Variants in SPMIP7 observed in about 807,000 individuals in gnomAD.
The protein encoded by SPMIP7 is sperm microtubule inner protein 7, also known as protein SPMIP7.
chr7:50,129,842 T>G, the SPMIP7 span: 1 of 1,229,172 alleles, frequency 8.1e-7, no homozygotes, highest in Non-Finnish European at 1.2e-6. Flanking sequence ...TATTTCTTTT[T>G]CCTTTATGAC....
At chr7:50,124,821 G>T in the SPMIP7 span, among the ~76,000 whole-genome samples, 1 of 151,990 alleles carries the variant, frequency 6.6e-6, no homozygotes, top group South Asian at 2.1e-4. Context: ...ACTAGAGGCT[G>T]GGTGTGGTGG....
the SPMIP7 span, among the ~76,000 whole-genome samples, chr7:50,155,939 ACT>A: frequency 1.2e-5 from 1 of 83,690 alleles, no homozygotes; most frequent in Non-Finnish European, 2.6e-5. Flanking sequence ...GGTGCAGATA[ACT>A]CTCTAGAAAA....
At chr7:50,110,044 G>C in the SPMIP7 span, among the ~76,000 whole-genome samples, 1 of 151,910 alleles carries the variant, frequency 6.6e-6, no homozygotes, top group African/African-American at 2.4e-5. Flanking sequence ...AAAATTCTGG[G>C]AATTGAGGAT....
the SPMIP7 span, among the ~76,000 whole-genome samples, chr7:50,100,896 T>G: frequency 2.2e-4 from 33 of 151,992 alleles, no homozygotes; most frequent in Non-Finnish European, 3.5e-4. Flanking sequence ...ATTTCCTTTA[T>G]GATTTCTTAT....
chr7:50,113,010 C>G, the SPMIP7 span, among the ~76,000 whole-genome samples: 2 of 151,732 alleles, frequency 1.3e-5, no homozygotes, highest in East Asian at 3.9e-4. Flanking sequence ...TGGGCATAAG[C>G]TTTCCCTGAA....
chr7:50,136,989 A>G, the SPMIP7 span, among the ~76,000 whole-genome samples: 1 of 152,120 alleles, frequency 6.6e-6, no homozygotes, highest in Admixed American at 6.6e-5. Context: ...TTTTCTAAGC[A>G]TATCTATCTT....
At chr7:50,125,399 C>CAT in the SPMIP7 span, among the ~76,000 whole-genome samples, 26 of 142,480 alleles carry the variant, frequency 1.8e-4, no homozygotes, top group South Asian at 6.5e-4. Flanking sequence ...TATATATATA[C>CAT]ATATATATAT....
At chr7:50,153,731 G>A in the SPMIP7 span, among the ~76,000 whole-genome samples, 1 of 152,198 alleles carries the variant, frequency 6.6e-6, no homozygotes, top group Non-Finnish European at 1.5e-5. Flanking sequence ...TCACAGAGGA[G>A]TGGCTCAGGC....
At chr7:50,151,626 C>G in the SPMIP7 span, 1 of 1,056,978 alleles carries the variant, frequency 9.5e-7, no homozygotes, top group Non-Finnish European at 1.4e-6. Flanking sequence ...TGTGGTTATT[C>G]CATTAAAGAA....
the SPMIP7 span, among the ~76,000 whole-genome samples, chr7:50,145,612 GTGTGTGTA>G: frequency 7.9e-3 from 290 of 36,890 alleles, 19 homozygotes; most frequent in African/African-American, 0.028. Context: ...GTGTGTATAT[GTGTGTGTA>G]TATATATATA....
At chr7:50,120,291 G>A in the SPMIP7 span, 1 of 152,156 alleles carries the variant, frequency 6.6e-6, no homozygotes, top group Admixed American at 6.5e-5. Context: ...GTTGGTAGAT[G>A]GTGCCAGTTG....
the SPMIP7 span, among the ~76,000 whole-genome samples, chr7:50,138,161 G>C: frequency 6.6e-6 from 1 of 151,930 alleles, no homozygotes; most frequent in Non-Finnish European, 1.5e-5. Flanking sequence ...TAAAGCATTT[G>C]ATTATTACTT....
the SPMIP7 span, among the ~76,000 whole-genome samples, chr7:50,097,938 TTATTAAC>T: frequency 6.6e-6 from 1 of 152,180 alleles, no homozygotes; most frequent in Non-Finnish European, 1.5e-5. Flanking sequence ...GTAGCTCTTA[TTATTAAC>T]TATTAAGAGT....
chr7:50,119,761 G>A, the SPMIP7 span, among the ~76,000 whole-genome samples: 127,304 of 152,180 alleles, frequency 0.84, 53,293 homozygotes, highest in East Asian at 0.92. Flanking sequence ...CAAAAGGTAT[G>A]TTGTGCTTCC....
chr7:50,104,131 C>T, the SPMIP7 span, among the ~76,000 whole-genome samples: 1 of 152,120 alleles, frequency 6.6e-6, no homozygotes, highest in South Asian at 2.1e-4. Flanking sequence ...TAATTCGGCT[C>T]ACATAGAAAT....
At chr7:50,112,988 A>G in the SPMIP7 span, among the ~76,000 whole-genome samples, 3 of 151,646 alleles carry the variant, frequency 2.0e-5, no homozygotes, top group East Asian at 1.9e-4. Flanking sequence ...GGAAAAACCC[A>G]CTGTAAAGAA....
At chr7:50,096,009 A>G in the SPMIP7 span, 2 of 929,774 alleles carry the variant, frequency 2.2e-6, no homozygotes, top group East Asian at 2.7e-5. Context: ...GTTATTGGCA[A>G]TAGAGTTTAT....
the SPMIP7 span, among the ~76,000 whole-genome samples, chr7:50,128,776 G>A: frequency 2.6e-5 from 4 of 151,986 alleles, no homozygotes; most frequent in African/African-American, 4.8e-5. Context: ...TTCATGGACA[G>A]TAAATAGATA....
chr7:50,114,784 C>A, the SPMIP7 span, among the ~76,000 whole-genome samples: 14 of 152,058 alleles, frequency 9.2e-5, no homozygotes, highest in African/African-American at 3.4e-4. Flanking sequence ...AATTCCAGCA[C>A]TTTGGGACGC....
Sources: gnomAD v4.1 joint callset for allele counts (sites outside exome capture counted in the v4.1 genomes callset) on GRCh38, gnomAD v4.1.1 for gene constraint, MANE v1.5 for transcripts, NCBI Gene and HGNC (gene_info 2026-07-23, HGNC 2026-07-21) for gene names.